ZDHHC8: variants seen among roughly 807,000 people sequenced by gnomAD.
The protein encoded by ZDHHC8 is zDHHC palmitoyltransferase 8, also known as palmitoyltransferase ZDHHC8.
ZDHHC8 carries 24 observed loss-of-function variants against 61.2 expected under a neutral mutation model. The observed-to-expected ratio is 0.39, with a 90% CI of 0.28 to 0.55. The LOEUF is 0.55. Ranked by LOEUF, ZDHHC8 falls within the 20% of genes least tolerant of loss-of-function variation. The probability of loss-of-function intolerance (pLI) is 0.60; values close to 1 mark genes in which losing one functional copy is unlikely to be tolerated. For missense variants in ZDHHC8, 935 were observed against 1,102.1 expected (o/e 0.85, Z 2.15); for synonymous variants, 523 against 492.5 (o/e 1.06, Z -0.82).
At chr22:20,136,784 A>G (rs1049380867) in intron 1 of ZDHHC8, among the ~76,000 whole-genome samples, 4 of 152,160 alleles carry the variant, frequency 2.6e-5, no homozygotes, top group Admixed American at 6.5e-5. Flanking sequence ...GCACCAGAAC[A>G]GGTTGTCTGT....
Position 20,138,542 on chromosome 22 carries a change from G to A in ZDHHC8, c.105-652G>A, listed in dbSNP as rs536598181. Among the ~76,000 whole-genome samples, 83 of 152,342 alleles carry A rather than the reference G, an allele frequency of 5.4e-4. 1 individual carries two copies. The highest frequency in any genetic ancestry group is 2.0e-3 in the Admixed American group (30 of 15,310). On this transcript the variant is annotated intron_variant, in intron 1 of 10. Transcript: ENST00000334554. Reference sequence around the variant, plus strand: ...AGTCCTGGAAAGCTTCCCGGAAGAGGGGGTGGCCTTGGAGCCAAGTGCTGA... The same window carrying A: ...AGTCCTGGAAAGCTTCCCGGAAGAGAGGGTGGCCTTGGAGCCAAGTGCTGA...
At chr22:20,133,670 C>G (rs1197510428) in intron 1 of ZDHHC8, among the ~76,000 whole-genome samples, 1 of 146,878 alleles carries the variant, frequency 6.8e-6, no homozygotes, top group Non-Finnish European at 1.5e-5. Flanking sequence ...CGGAGTGAGC[C>G]GAAATCGCAC....
intron 1 of ZDHHC8, among the ~76,000 whole-genome samples, chr22:20,138,540 AGG>A (rs1311193963): frequency 6.6e-6 from 1 of 152,120 alleles, no homozygotes. Context: ...TTCCCGGAAG[AGG>A]GGGTGGCCTT....
chr22:20,145,301 T>C lies in ZDHHC8; in HGVS notation c.2199T>C (p.Pro733=). 1 of 1,592,348 alleles carries C rather than the reference T, an allele frequency of 6.3e-7. No homozygotes were observed. The highest frequency in any genetic ancestry group is 2.3e-5 in the East Asian group (1 of 43,104). ...CCCCGGGCCTGGCCCGGCTGGGACCTGCCACCGGCCCCCCAGGGCCCTCTG... is the reference window on the plus strand; with the variant it reads ...CCCCGGGCCTGGCCCGGCTGGGACCCGCCACCGGCCCCCCAGGGCCCTCTG... ...GQSPGLARLG[P]ATGPPGPSAS... is the part of the protein sequence containing the mutation. Residue 733 remains proline, a synonymous_variant, in exon 11 of 11, where the codon CCT becomes CCC. Coordinates refer to ENST00000334554, the MANE Select transcript of ZDHHC8 (RefSeq NM_013373.4).
Position 20,145,958 on chromosome 22 carries a change from T to C in ZDHHC8, c.*558T>C. On this transcript the variant is annotated 3_prime_UTR_variant, in exon 11 of 11. Coordinates refer to ENST00000334554, the MANE Select transcript of ZDHHC8 (RefSeq NM_013373.4). The stretch of plus-strand genomic sequence containing the variant: ...CTGATGCTTCTGCCCTGGCCTGCTC[T>C]GGGTGGTGGTGGATAGGTGGACAGA... 1 of 985,790 alleles carries C rather than the reference T, an allele frequency of 1.0e-6. No individual in the cohort carries two copies. The highest frequency in any genetic ancestry group is 5.2e-4 in the Middle Eastern group (1 of 1,914). 61.1% of individuals were successfully genotyped at this position (985,790 alleles called of 1,614,324 possible).
At chr22:20,132,077 A>G in intron 1 of ZDHHC8, 26 bp downstream of exon 1, 1 of 1,245,252 alleles carries the variant, frequency 8.0e-7, no homozygotes, top group Non-Finnish European at 1.0e-6. Flanking sequence ...GTCTGGGGGC[A>G]CGCGGGCAGC....
At chr22:20,141,078 T>C in intron 7 of ZDHHC8, 66 bp downstream of exon 7, 18 of 1,602,484 alleles carry the variant, frequency 1.1e-5, no homozygotes, top group Non-Finnish European at 1.5e-5. Context: ...GGCAGGTTGG[T>C]GGGGGCCTAG....
rs931041691 is a variant in ZDHHC8 at position 20,145,541 on chromosome 22, C to T, written c.*141C>T. 1.9e-4 allele frequency: 251 copies of T among 1,302,594 alleles called. No homozygotes were observed. The highest frequency in any genetic ancestry group is 1.4e-3 in the Middle Eastern group (5 of 3,474). The allele number at this position is 1,302,594 out of a possible 1,614,324, so 80.7% of individuals were successfully genotyped here. The stretch of plus-strand genomic sequence containing the variant: ...GACCCATCGGCGGGAGAGAGTGCCA[C>T]GCCTCCACAGCTTGCCCCAAGCGCT... On this transcript the variant is annotated 3_prime_UTR_variant, in exon 11 of 11. Coordinates refer to ENST00000334554, the MANE Select transcript of ZDHHC8 (RefSeq NM_013373.4).
chr22:20,139,407 T>C, intron 2 of ZDHHC8, 71 bp from the exon 3 acceptor site: 2 of 1,603,788 alleles, frequency 1.2e-6, no homozygotes, highest in Non-Finnish European at 1.7e-6. Context: ...GTGGGTGGGC[T>C]GGACTTGGGG....
In ZDHHC8 at chr22:20,145,526, C is replaced by T. The variant is rs1175109325; in HGVS notation, c.*126C>T. On this transcript the variant is annotated 3_prime_UTR_variant, in exon 11 of 11. Coordinates refer to ENST00000334554, the MANE Select transcript of ZDHHC8 (RefSeq NM_013373.4). ...CCCCAGCCTGGTGTGGACCCATCGG[C>T]GGGAGAGAGTGCCACGCCTCCACAG... The T allele has an allele frequency of 1.6e-5, 21 of 1,309,200 alleles. No individual in the cohort carries two copies. Among genetic ancestry groups the T allele is most frequent in the East Asian group, 9.4e-5 (3 of 32,046 alleles). The allele number at this position is 1,309,200 out of a possible 1,614,324, so 81.1% of individuals were successfully genotyped here.
intron 9 of ZDHHC8, 79 bp downstream of exon 9, chr22:20,141,609 C>T: frequency 8.5e-7 from 1 of 1,172,474 alleles, no homozygotes; most frequent in South Asian, 1.5e-5. Flanking sequence ...AGCCTTCACC[C>T]CGTGAAGGCC....
Position 20,140,149 on chromosome 22 carries a change from A to T in ZDHHC8, c.592A>T (p.Ile198Phe), listed in dbSNP as rs756744825. The T allele has an allele frequency of 5.0e-6, 8 of 1,613,616 alleles. No individual in the cohort carries two copies. Among genetic ancestry groups the T allele is most frequent in the Non-Finnish European group, 6.8e-6 (8 of 1,179,990 alleles). The change falls in exon 5 of 11, where the codon ATC becomes TTC. Residue 198 changes from isoleucine to phenylalanine, a missense_variant. Around this residue, in one of 3 missense-constraint regions of ZDHHC8, gnomAD observed 199 missense variants for 334.0 expected, o/e 0.60. Coordinates refer to ENST00000334554, the MANE Select transcript of ZDHHC8 (RefSeq NM_013373.4). ...CATGTGTGTGGCCGGCCTCTTCTTC[A>T]TCCCTGTCATTGGCCTCACTGGCTT... ...AVMCVAGLFF[I>F]PVIGLTGFHV...
intron 10 of ZDHHC8, among the ~76,000 whole-genome samples, chr22:20,144,462 G>A (rs770807092): frequency 1.3e-4 from 20 of 152,240 alleles, no homozygotes; most frequent in Admixed American, 2.6e-4. Flanking sequence ...GGCATCTGTC[G>A]CCCTGTCCGG....
chr22:20,135,113 G>GT lies in ZDHHC8; in HGVS notation c.104+3069dup, dbSNP rs938388074. On this transcript the variant is annotated intron_variant, in intron 1 of 10. Transcript: ENST00000334554. ...CACCTGGCTAATTTATTTATTTTTT[G>GT]TTTTTTTGTTTTTTTTTAGTAGAGA... is the stretch of plus-strand genomic sequence containing the variant. Among the ~76,000 whole-genome samples, 21 of 151,044 alleles carry GT rather than the reference G, an allele frequency of 1.4e-4. No individual in the cohort carries two copies. The East Asian group carries it at 1.6e-3, about 11-fold the overall frequency.
intron 6 of ZDHHC8, 66 bp downstream of exon 6, chr22:20,140,774 C>A: frequency 6.3e-7 from 1 of 1,593,296 alleles, no homozygotes; most frequent in Non-Finnish European, 8.5e-7. Flanking sequence ...AGCCTTAGAC[C>A]CTCTTGGTCC....
intron 1 of ZDHHC8, among the ~76,000 whole-genome samples, chr22:20,134,604 C>T (rs530232889): frequency 1.3e-5 from 2 of 152,224 alleles, no homozygotes; most frequent in African/African-American, 2.4e-5. Flanking sequence ...GCTCCTCGGA[C>T]GTTACCAGAC....
chr22:20,142,911 G>C lies in ZDHHC8; in HGVS notation c.1281G>C (p.Ser427=), dbSNP rs139492887. Residue 427 remains serine, a synonymous_variant, in exon 10 of 11, where the codon TCG becomes TCC. Coordinates refer to ENST00000334554, the MANE Select transcript of ZDHHC8 (RefSeq NM_013373.4). ...CGCTCAGCGCCTCTGATGCCTTCTC[G>C]GGCGCTTTGCGCTCCCTGAGCCTCA... The part of the protein sequence containing the change: ...SPPLSASDAF[S]GALRSLSLKA... The C allele has an allele frequency of 6.2e-6, 10 of 1,609,224 alleles. No homozygotes were observed. The African/African-American group carries it at 9.3e-5, about 15-fold the overall frequency.
intron 1 of ZDHHC8, among the ~76,000 whole-genome samples, chr22:20,138,965 C>T (rs1366015287): frequency 2.6e-5 from 4 of 152,158 alleles, no homozygotes; most frequent in Admixed American, 1.3e-4. Context: ...GAGAGGTTGC[C>T]GGGTCAGGGC....
Position 20,146,390 on chromosome 22 carries a change from CTGTTT to C in ZDHHC8, c.*992_*996del, listed in dbSNP as rs1197926445. ...ATGACAGCGTCTGCTTGCGTTGTGTCTGTTTTATGTTTTTATATCTACATCTATAT... is the reference window on the plus strand; with the variant it reads ...ATGACAGCGTCTGCTTGCGTTGTGTCTATGTTTTTATATCTACATCTATAT... On this transcript the variant is annotated 3_prime_UTR_variant, in exon 11 of 11. Coordinates refer to ENST00000334554, the MANE Select transcript of ZDHHC8 (RefSeq NM_013373.4). 4.1e-6 allele frequency: 4 copies of C among 985,444 alleles called. No individual in the cohort carries two copies. Among genetic ancestry groups the C allele is most frequent in the Non-Finnish European group, 1.2e-6 (1 of 829,940 alleles). 61.0% of individuals were successfully genotyped at this position (985,444 alleles called of 1,614,324 possible).
Sources: allele counts gnomAD v4.1 joint callset (sites outside exome capture counted in the v4.1 genomes callset), GRCh38; gene constraint gnomAD v4.1.1; regional missense constraint gnomAD v4.1.1; transcripts MANE v1.5; gene names NCBI Gene and HGNC (gene_info 2026-07-23, HGNC 2026-07-21).